ARHGEF10: variants seen among roughly 807,000 people sequenced by gnomAD.
ARHGEF10 encodes the protein Rho guanine nucleotide exchange factor (GEF) 10.
In ARHGEF10, 140 loss-of-function variants were observed where a neutral mutation model predicts 147.4. That is an observed-to-expected ratio of 0.95 (90% CI 0.83 to 1.09). The LOEUF is 1.09. ARHGEF10 is among the 50% of genes least tolerant of loss of function. The probability of loss-of-function intolerance (pLI) is 0.00; values close to 1 mark genes in which losing one functional copy is unlikely to be tolerated. For missense variants in ARHGEF10, 2,222 were observed against 1,752.7 expected, an observed-to-expected ratio of 1.27 and a Z score of -4.78; for synonymous variants, 902 against 695.8, an observed-to-expected ratio of 1.30 and a Z score of -4.67.
At chr8:1,887,468 T>C (rs1430733461) in intron 11 of ARHGEF10, among the ~76,000 whole-genome samples, 1 of 135,944 alleles carries the variant, frequency 7.4e-6, no homozygotes, top group Non-Finnish European at 1.6e-5. Flanking sequence ...GTGTGAGGGG[T>C]CTGTGAGGAG....
At chr8:1,880,596 G>A (rs1808105835) in intron 9 of ARHGEF10, among the ~76,000 whole-genome samples, 1 of 152,196 alleles carries the variant, frequency 6.6e-6, no homozygotes, top group Non-Finnish European at 1.5e-5. Flanking sequence ...TTCAAATGCA[G>A]TAAATATTGA....
At chr8:1,916,798 CT>C (rs1183136550) in intron 18 of ARHGEF10, among the ~76,000 whole-genome samples, 2 of 152,206 alleles carry the variant, frequency 1.3e-5, no homozygotes, top group Non-Finnish European at 2.9e-5. Flanking sequence ...TTCTTGTTCT[CT>C]GTTGAAAACA....
chr8:1,831,763 C>T (rs1284148113), intron 1 of ARHGEF10, among the ~76,000 whole-genome samples: 1 of 152,234 alleles, frequency 6.6e-6, no homozygotes, highest in Admixed American at 6.5e-5. Flanking sequence ...CTCCTGGACA[C>T]CTGCACAGGG....
chr8:1,922,146 T>A (rs1042101804), intron 18 of ARHGEF10, among the ~76,000 whole-genome samples: 8 of 151,934 alleles, frequency 5.3e-5, no homozygotes, highest in African/African-American at 1.9e-4. Context: ...GAACATTACT[T>A]CCTGTAGTAC....
chr8:1,859,892 C>G lies in ARHGEF10; in HGVS notation c.194-5C>G. The G allele has an allele frequency of 6.2e-7, 1 of 1,613,142 alleles. No individual in the cohort carries two copies. Among genetic ancestry groups the G allele is most frequent in the Non-Finnish European group, 8.5e-7 (1 of 1,180,000 alleles). On this transcript the variant is annotated splice_polypyrimidine_tract_variant and splice_region_variant and intron_variant, in intron 3 of 28. Coordinates refer to ENST00000349830, the MANE Select transcript of ARHGEF10 (RefSeq NM_014629.4). ...TCTGCTGACAAGTCCTTTCTGCATCCCCAGGAGGTGAGGATGGAGCTGGAG... is the reference window on the plus strand; with the variant it reads ...TCTGCTGACAAGTCCTTTCTGCATCGCCAGGAGGTGAGGATGGAGCTGGAG...
chr8:1,878,952 C>T lies in ARHGEF10; in HGVS notation c.844-1096C>T, dbSNP rs149789978. ...ATGTTGCCAGGACAGTGGCCTGGAC[C>T]GGGGGTGGGAATACTGTGTGGGGTG... On this transcript the variant is annotated intron_variant, in intron 8 of 28. Coordinates refer to ENST00000349830, the MANE Select transcript of ARHGEF10 (RefSeq NM_014629.4). Among the ~76,000 whole-genome samples, 104 of 152,206 alleles carry T rather than the reference C, an allele frequency of 6.8e-4. No homozygotes were observed. The East Asian group carries it at 0.014, about 20-fold the overall frequency.
At chr8:1,884,189 C>T (rs1051818725) in intron 10 of ARHGEF10, among the ~76,000 whole-genome samples, 4 of 152,064 alleles carry the variant, frequency 2.6e-5, no homozygotes, top group African/African-American at 7.2e-5. Context: ...GTCAGGAGAT[C>T]AAGACCATCC....
chr8:1,905,549 G>A, intron 16 of ARHGEF10, 22 bp from the exon 17 acceptor site: 3 of 1,614,110 alleles, frequency 1.9e-6, no homozygotes, highest in African/African-American at 1.3e-5. Flanking sequence ...TGTGGTCCCT[G>A]GGCTGTGTTT....
Position 1,903,269 on chromosome 8 carries a change from T to C in ARHGEF10, c.1651-12T>C. On this transcript the variant is annotated splice_polypyrimidine_tract_variant and intron_variant, in intron 15 of 28. Coordinates refer to ENST00000349830, the MANE Select transcript of ARHGEF10 (RefSeq NM_014629.4). ...ACGTGGTAACTGCCCACCTCTCCCC[T>C]GTTGCTTGTAGGACATGCTGAAGAA... is the stretch of plus-strand genomic sequence containing the variant. 1 of 1,614,068 alleles carries C rather than the reference T, an allele frequency of 6.2e-7. No homozygotes were observed. The highest frequency in any genetic ancestry group is 1.3e-5 in the African/African-American group (1 of 75,052).
intron 3 of ARHGEF10, among the ~76,000 whole-genome samples, chr8:1,859,098 C>T (rs17756505): frequency 0.26 from 32,515 of 126,510 alleles, 5,237 homozygotes; most frequent in South Asian, 0.4. Context: ...GCATAGTACC[C>T]GCCTCTCTGC....
intron 12 of ARHGEF10, among the ~76,000 whole-genome samples, chr8:1,894,096 C>A (rs1284401035): frequency 2.6e-5 from 4 of 151,832 alleles, no homozygotes; most frequent in Non-Finnish European, 5.9e-5. Flanking sequence ...ATTGCTTGAA[C>A]CCGGGAGGCA....
At chr8:1,901,808 A>C (rs1194133733) in intron 15 of ARHGEF10, among the ~76,000 whole-genome samples, 2 of 152,244 alleles carry the variant, frequency 1.3e-5, no homozygotes, top group African/African-American at 4.8e-5. Context: ...TGTGACTCAT[A>C]GGAAAACAAA....
intron 1 of ARHGEF10, among the ~76,000 whole-genome samples, chr8:1,832,977 GAGAGAC>G (rs1378135324): frequency 6.6e-5 from 3 of 45,462 alleles, no homozygotes; most frequent in East Asian, 1.1e-3. Flanking sequence ...CAGAGGCAGA[GAGAGAC>G]AGAGACAGAG....
intron 1 of ARHGEF10, among the ~76,000 whole-genome samples, chr8:1,824,394 A>C (rs1213704978): frequency 1.3e-5 from 2 of 151,922 alleles, no homozygotes; most frequent in Non-Finnish European, 2.9e-5. Context: ...GCAGGAGCGA[A>C]CTCCGATCGG....
intron 11 of ARHGEF10, among the ~76,000 whole-genome samples, chr8:1,893,320 T>A (rs1282753495): frequency 6.6e-6 from 1 of 152,190 alleles, no homozygotes; most frequent in Admixed American, 6.5e-5. Context: ...GAATTTCTTT[T>A]CAGTGCTGTA....
chr8:1,892,452 A>G (rs1413605784), intron 11 of ARHGEF10, among the ~76,000 whole-genome samples: 1 of 152,068 alleles, frequency 6.6e-6, no homozygotes, highest in Non-Finnish European at 1.5e-5. Context: ...CCTTTCTCTA[A>G]AAGGAGTAAT....
intron 1 of ARHGEF10, among the ~76,000 whole-genome samples, chr8:1,837,154 G>C (rs1367454522): frequency 1.3e-5 from 2 of 152,252 alleles, no homozygotes; most frequent in Non-Finnish European, 2.9e-5. Context: ...GTCTGCCTGA[G>C]ACTTGTGTAT....
At chr8:1,843,842 C>G (rs756138355) in intron 2 of ARHGEF10, among the ~76,000 whole-genome samples, 40 of 152,214 alleles carry the variant, frequency 2.6e-4, no homozygotes, top group Non-Finnish European at 5.3e-4. Flanking sequence ...TCCTTTTCTG[C>G]CTCCCTCCTC....
chr8:1,885,427 G>T (rs548727535), intron 10 of ARHGEF10, among the ~76,000 whole-genome samples, 174 bp from the exon 11 acceptor site: 2 of 152,298 alleles, frequency 1.3e-5, no homozygotes, highest in South Asian at 4.1e-4. Context: ...CCTCTGGAAA[G>T]AATATTTTAT....
Sources: gnomAD v4.1 joint callset for allele counts (sites outside exome capture counted in the v4.1 genomes callset) on GRCh38, gnomAD v4.1.1 for gene constraint, MANE v1.5 for transcripts, NCBI Gene and HGNC (gene_info 2026-07-23, HGNC 2026-07-21) for gene names.